Variants in PDZRN3 observed in about 807,000 individuals in gnomAD.
PDZRN3 encodes the protein E3 ubiquitin-protein ligase PDZRN3.
PDZRN3 carries 38 observed loss-of-function variants against 85.7 expected under a neutral mutation model. That is an observed-to-expected ratio of 0.44 (90% CI 0.34 to 0.58). PDZRN3 has a LOEUF of 0.58. PDZRN3 is among the 20% of genes least tolerant of loss of function. The pLI, the probability that PDZRN3 is intolerant of heterozygous loss-of-function variation, is 0.01. For missense variants in PDZRN3, 1,629 were observed against 1,506.4 expected (o/e 1.08, Z -1.35); for synonymous variants, 759 against 638.0 (o/e 1.19, Z -2.86).
At chr3:73,465,656 G>C (rs1041451034) in intron 3 of PDZRN3, among the ~76,000 whole-genome samples, 1 of 152,192 alleles carries the variant, frequency 6.6e-6, no homozygotes, top group African/African-American at 2.4e-5. Flanking sequence ...TAGTGCCAGA[G>C]AAACGATTTT....
intron 3 of PDZRN3, among the ~76,000 whole-genome samples, chr3:73,492,366 C>T (rs373746298): frequency 1.1e-4 from 16 of 152,148 alleles, no homozygotes; most frequent in Admixed American, 6.5e-4. Context: ...GAGCTCGCTA[C>T]GGTCCCTGGT....
chr3:73,568,310 T>C (rs577359532), intron 3 of PDZRN3, among the ~76,000 whole-genome samples: 1 of 152,198 alleles, frequency 6.6e-6, no homozygotes, highest in South Asian at 2.1e-4. Context: ...AGCCCTATAG[T>C]TATGTGCCTT....
intron 3 of PDZRN3, among the ~76,000 whole-genome samples, chr3:73,594,488 C>T (rs1292233325): frequency 6.6e-6 from 1 of 152,140 alleles, no homozygotes; most frequent in Non-Finnish European, 1.5e-5. Flanking sequence ...TACATTGTTT[C>T]CTTGGTCCAC....
intron 3 of PDZRN3, among the ~76,000 whole-genome samples, chr3:73,436,040 C>A (rs1451649404): frequency 1.3e-5 from 2 of 152,302 alleles, no homozygotes; most frequent in Middle Eastern, 3.4e-3. Flanking sequence ...ACCGCTCTTC[C>A]CTTTCTCCTT....
rs1223780471 is a variant in PDZRN3, at chr3:73,624,915, C to T, written c.-90G>A. On this transcript the variant is annotated 5_prime_UTR_variant, in exon 1 of 10. Transcript: ENST00000263666. Reference sequence around the variant, plus strand: ...GCCCAGACAGGCCGGCTACGCCGCCCGCGCGCTCGCTGGCTCTCCCCGGAC... The same window carrying T: ...GCCCAGACAGGCCGGCTACGCCGCCTGCGCGCTCGCTGGCTCTCCCCGGAC... The T allele has an allele frequency of 1.1e-5, 11 of 1,038,776 alleles. No homozygotes were observed. The highest frequency in any genetic ancestry group is 3.5e-4 in the Middle Eastern group (1 of 2,830). 64.3% of individuals were successfully genotyped at this position (1,038,776 alleles called of 1,614,324 possible). A position where few individuals can be genotyped will look rare whatever the true frequency, so the allele number is the denominator to read the frequency against.
chr3:73,615,207 G>A (rs138643240), intron 1 of PDZRN3, among the ~76,000 whole-genome samples: 74 of 152,124 alleles, frequency 4.9e-4, no homozygotes, highest in Middle Eastern at 6.8e-3. Flanking sequence ...TACTTTCCTC[G>A]TTTAAAAAAG....
chr3:73,593,676 G>A (rs909977687), intron 3 of PDZRN3, among the ~76,000 whole-genome samples: 1 of 149,144 alleles, frequency 6.7e-6, no homozygotes, highest in Non-Finnish European at 1.5e-5. Context: ...AAATTACCAA[G>A]TTTTTAATTC....
At chr3:73,552,784 C>T (rs1281427386) in intron 3 of PDZRN3, among the ~76,000 whole-genome samples, 1 of 152,062 alleles carries the variant, frequency 6.6e-6, no homozygotes. Context: ...TTTGAGATGC[C>T]CAAATAGGTA....
At chr3:73,563,009 ATATATTTT>A (rs1170037384) in intron 3 of PDZRN3, among the ~76,000 whole-genome samples, 14 of 39,662 alleles carry the variant, frequency 3.5e-4, no homozygotes, top group South Asian at 1.1e-3. Flanking sequence ...ATATATATAT[ATATATTTT>A]TTTTTTTTTT....
intron 3 of PDZRN3, among the ~76,000 whole-genome samples, chr3:73,468,500 A>G (rs575494881): frequency 2.4e-4 from 36 of 151,912 alleles, no homozygotes; most frequent in African/African-American, 8.7e-4. Flanking sequence ...GTGACGAGGT[A>G]CATGTCTATG....
At chr3:73,457,507 T>C (rs1292910697) in intron 3 of PDZRN3, among the ~76,000 whole-genome samples, 2 of 152,098 alleles carry the variant, frequency 1.3e-5, no homozygotes, top group Admixed American at 6.6e-5. Flanking sequence ...CTCTGGGATA[T>C]TGACAGCCAT....
intron 3 of PDZRN3, among the ~76,000 whole-genome samples, chr3:73,482,465 G>A (rs1426827420): frequency 6.6e-6 from 1 of 152,168 alleles, no homozygotes; most frequent in Non-Finnish European, 1.5e-5. Flanking sequence ...TATAGTGACT[G>A]TCATTCATCT....
At chr3:73,407,302 A>G (rs1179185095) in intron 3 of PDZRN3, among the ~76,000 whole-genome samples, 1 of 152,152 alleles carries the variant, frequency 6.6e-6, no homozygotes, top group African/African-American at 2.4e-5. Context: ...CCATGTGGGG[A>G]GCTGGCCTCA....
intron 3 of PDZRN3, among the ~76,000 whole-genome samples, chr3:73,541,447 T>C (rs191921450): frequency 1.2e-4 from 19 of 152,312 alleles, no homozygotes; most frequent in African/African-American, 4.6e-4. Flanking sequence ...GTACCATAAT[T>C]ATCTCCTTTT....
chr3:73,500,162 C>T (rs979080666), intron 3 of PDZRN3, among the ~76,000 whole-genome samples: 4 of 151,960 alleles, frequency 2.6e-5, no homozygotes, highest in African/African-American at 9.7e-5. Flanking sequence ...TTCAAGTGAT[C>T]CTCCGCCTCC....
chr3:73,388,281 C>T, intron 7 of PDZRN3: 1 of 416,832 alleles, frequency 2.4e-6, no homozygotes, highest in South Asian at 6.4e-5. Context: ...AGGGAGCCTC[C>T]ATGAGTATAG....
chr3:73,536,727 G>A (rs569979810), intron 3 of PDZRN3, among the ~76,000 whole-genome samples: 1 of 152,208 alleles, frequency 6.6e-6, no homozygotes, highest in African/African-American at 2.4e-5. Context: ...CATGGTGGTA[G>A]GTCTCTACCC....
At chr3:73,520,180 A>G (rs1704330063) in intron 3 of PDZRN3, among the ~76,000 whole-genome samples, 1 of 152,112 alleles carries the variant, frequency 6.6e-6, no homozygotes, top group South Asian at 2.1e-4. Context: ...TGTCTCCTAT[A>G]TATCTTTGGG....
intron 3 of PDZRN3, chr3:73,434,025 T>C (rs756249658): frequency 2.8e-5 from 27 of 980,130 alleles, no homozygotes; most frequent in Non-Finnish European, 3.5e-5. Flanking sequence ...ACGCTATATA[T>C]ACTGCTGCTC....
Sources: allele counts gnomAD v4.1 joint callset (sites outside exome capture counted in the v4.1 genomes callset), GRCh38; gene constraint gnomAD v4.1.1; transcripts MANE v1.5; gene names NCBI Gene and HGNC (gene_info 2026-07-23, HGNC 2026-07-21).